The following MTAP variants were observed in gnomAD, a reference collection of about 807,000 sequenced individuals.
The protein encoded by MTAP is methylthioadenosine phosphorylase, also known as S-methyl-5'-thioadenosine phosphorylase.
In MTAP, 33 loss-of-function variants were observed where a neutral mutation model predicts 33.6. The observed-to-expected ratio is 0.98, with a 90% confidence interval of 0.74 to 1.31. MTAP has a LOEUF of 1.31. Among genes scored for constraint, MTAP ranks in the 40% most tolerant of loss-of-function variants. The pLI, the probability that MTAP is intolerant of heterozygous loss-of-function variation, is 0.00. For missense variants in MTAP, 367 were observed against 360.0 expected, an observed-to-expected ratio of 1.02 and a Z score of -0.16; for synonymous variants, 148 against 125.7, an observed-to-expected ratio of 1.18 and a Z score of -1.19.
intron 1 of MTAP, among the ~76,000 whole-genome samples, chr9:21,811,028 T>C (rs6475584): frequency 0.25 from 37,445 of 152,088 alleles, 7,211 homozygotes; most frequent in African/African-American, 0.54. Flanking sequence ...CTTGCCAAAA[T>C]TGTTATGGCA....
At chr9:21,885,178 AAAC>A (rs144249395) in intron 1 of MTAP, among the ~76,000 whole-genome samples, 2,396 of 152,274 alleles carry the variant, frequency 0.016, 60 homozygotes, top group African/African-American at 0.054. Context: ...TTATGCCAGG[AAAC>A]AACAAAATCC....
chr9:21,820,371 T>G (rs111978833), intron 4 of MTAP, among the ~76,000 whole-genome samples: 1,780 of 152,322 alleles, frequency 0.012, 28 homozygotes, highest in African/African-American at 0.041. Flanking sequence ...GGCTAGCCAG[T>G]TTTCCCAGCA....
intron 3 of MTAP, 85 bp downstream of exon 3, chr9:21,816,857 T>A: frequency 8.8e-7 from 1 of 1,139,100 alleles, no homozygotes. Context: ...AAGATACAGG[T>A]CTGAGCTTTT....
At chr9:21,934,662 G>A (rs566300633), downstream of MTAP, 12 of 150,310 alleles carry the variant, frequency 8.0e-5, no homozygotes, top group East Asian at 2.1e-3. The surrounding 1 kb of genome is among the most constrained non-coding windows in gnomAD (Gnocchi z 5.0). Context: ...AAGTATAGCA[G>A]TAAAGCAAAA....
intron 1 of MTAP, among the ~76,000 whole-genome samples, chr9:21,872,642 A>C (rs1346339733): frequency 6.6e-6 from 1 of 152,206 alleles, no homozygotes; most frequent in Non-Finnish European, 1.5e-5. Context: ...GTATCTTCCA[A>C]TAGTCAAGCT....
intron 1 of MTAP, among the ~76,000 whole-genome samples, chr9:21,895,368 G>T (rs1818273464): frequency 6.6e-6 from 1 of 152,134 alleles, no homozygotes. Flanking sequence ...GTTCCAAGAT[G>T]GCTGAATAGG....
chr9:21,888,248 C>G (rs1164823289), intron 1 of MTAP, among the ~76,000 whole-genome samples: 1 of 152,012 alleles, frequency 6.6e-6, no homozygotes, highest in Non-Finnish European at 1.5e-5. Flanking sequence ...GTCATATGCT[C>G]TATGTTGGAG....
intron 4 of MTAP, among the ~76,000 whole-genome samples, chr9:21,830,230 T>A (rs1051075380): frequency 9.2e-5 from 14 of 152,252 alleles, no homozygotes; most frequent in Non-Finnish European, 1.2e-4. Context: ...TTTCCCGTTT[T>A]TGTTGCACAG....
At chr9:21,825,284 A>T (rs1824763264) in intron 4 of MTAP, among the ~76,000 whole-genome samples, 1 of 152,026 alleles carries the variant, frequency 6.6e-6, no homozygotes, top group African/African-American at 2.4e-5. Flanking sequence ...CTGTTGATGG[A>T]CGTTTATGTT....
chr9:21,929,082 G>C (rs1014842616), intron 1 of MTAP, among the ~76,000 whole-genome samples: 9 of 151,876 alleles, frequency 5.9e-5, no homozygotes, highest in Non-Finnish European at 1.0e-4. Flanking sequence ...CTGTATTCTG[G>C]GGGGGCCACT....
At chr9:21,923,981 A>C (rs1818828268) in intron 1 of MTAP, among the ~76,000 whole-genome samples, 1 of 152,206 alleles carries the variant, frequency 6.6e-6, no homozygotes, top group Non-Finnish European at 1.5e-5. Context: ...AGAACAGATT[A>C]CCATTAGAAC....
chr9:21,909,052 A>G (rs868612171), intron 1 of MTAP, among the ~76,000 whole-genome samples: 1 of 152,088 alleles, frequency 6.6e-6, no homozygotes. Flanking sequence ...AATTACATTT[A>G]TGCATATTTT....
rs929706260 is a variant in MTAP, at chr9:21,864,158, C to T, written c.*2144C>T. 5 of 985,310 alleles carry T rather than the reference C, an allele frequency of 5.1e-6. No individual in the cohort carries two copies. Among genetic ancestry groups the T allele is most frequent in the Non-Finnish European group, 6.0e-6 (5 of 829,946 alleles). 61.0% of individuals were successfully genotyped at this position (985,310 alleles called of 1,614,324 possible). On this transcript the variant is annotated 3_prime_UTR_variant, in exon 8 of 8. Transcript: ENST00000644715. Reference sequence around the variant, plus strand: ...CAGTTCTCTCCAACTTGCAGAGGTACTTTTCTTGATTAAATAGCCTTCTCT... The same window carrying T: ...CAGTTCTCTCCAACTTGCAGAGGTATTTTTCTTGATTAAATAGCCTTCTCT...
intron 4 of MTAP, among the ~76,000 whole-genome samples, chr9:21,825,953 C>G (rs1323058326): frequency 2.6e-5 from 4 of 152,032 alleles, no homozygotes; most frequent in African/African-American, 9.7e-5. Context: ...TGAGGAATGT[C>G]TATTCAAGTC....
At chr9:21,861,846 ATTTAT>A in intron 7 of MTAP, 125 bp from the exon 8 acceptor site, 1 of 696,754 alleles carries the variant, frequency 1.4e-6, no homozygotes, top group South Asian at 1.8e-5. Flanking sequence ...TTTCTGTAGA[ATTTAT>A]TTAAAGTGTA....
chr9:21,885,532 T>G (rs1290408215), intron 1 of MTAP, among the ~76,000 whole-genome samples: 1 of 152,130 alleles, frequency 6.6e-6, no homozygotes, highest in Non-Finnish European at 1.5e-5. Context: ...ACCCAAGCAG[T>G]GTACACTGTA....
chr9:21,819,037 T>G (rs889360257), intron 4 of MTAP, among the ~76,000 whole-genome samples: 2 of 152,198 alleles, frequency 1.3e-5, no homozygotes, highest in African/African-American at 4.8e-5. Context: ...TTTATTTCAC[T>G]TAACATAATG....
intron 1 of MTAP, among the ~76,000 whole-genome samples, chr9:21,928,089 C>A (rs1818897666): frequency 6.6e-6 from 1 of 152,158 alleles, no homozygotes; most frequent in South Asian, 2.1e-4. Flanking sequence ...CTGCCCTTCT[C>A]CAATACACTA....
chr9:21,915,668 C>G (rs1030526625), intron 1 of MTAP, among the ~76,000 whole-genome samples: 2 of 152,072 alleles, frequency 1.3e-5, no homozygotes, highest in Non-Finnish European at 2.9e-5. Context: ...GTGATATAAT[C>G]TGACTTGCAC....
Sources: gnomAD v4.1 joint callset for allele counts (sites outside exome capture counted in the v4.1 genomes callset) on GRCh38, gnomAD v4.1.1 for gene constraint, Gnocchi (gnomAD v3.1) non-coding constraint, MANE v1.5 for transcripts, NCBI Gene and HGNC (gene_info 2026-07-23, HGNC 2026-07-21) for gene names.